The following BPIFB3 variants were observed in gnomAD, a reference collection of about 807,000 sequenced individuals.
The protein encoded by BPIFB3 is BPI fold containing family B member 3.
BPIFB3 carries 49 observed loss-of-function variants against 53.1 expected under a neutral mutation model. The observed-to-expected ratio is 0.92, with a 90% CI of 0.73 to 1.17. The LOEUF (loss-of-function observed/expected upper bound fraction) is 1.17, where lower values mean the gene tolerates loss of function less well. BPIFB3 is among the 50% of genes most tolerant of loss of function. The pLI is 0.00. For missense variants in BPIFB3, 628 were observed against 592.5 expected (o/e 1.06, Z -0.62); for synonymous variants, 271 against 269.6 (o/e 1.01, Z -0.05).
intron 11 of BPIFB3, among the ~76,000 whole-genome samples, chr20:33,070,248 C>T (rs1467057977): frequency 6.6e-6 from 1 of 152,160 alleles, no homozygotes; most frequent in African/African-American, 2.4e-5. Flanking sequence ...GGAGTCCAAA[C>T]TCCTGAGTTA....
chr20:33,061,815 A>C, exon 5 of BPIFB3: 2 of 1,614,178 alleles, frequency 1.2e-6, no homozygotes, highest in South Asian at 2.2e-5. Context: ...ATGCTCTTCA[A>C]GGTGCTTCCG....
chr20:33,066,892 C>T lies in BPIFB3; in HGVS notation c.978+15C>T. The T allele has an allele frequency of 6.2e-7, 1 of 1,613,206 alleles. No individual in the cohort carries two copies. The highest frequency in any genetic ancestry group is 8.5e-7 in the Non-Finnish European group (1 of 1,179,150). On this transcript the variant is annotated intron_variant, in intron 9 of 14. Coordinates refer to ENST00000375494, the Ensembl canonical transcript of BPIFB3. ...TGCTCCCTGAGGTGAGTGACGCTCTCATGGGTTTTGATCATTGTAGCTCTT... is the reference window on the plus strand; with the variant it reads ...TGCTCCCTGAGGTGAGTGACGCTCTTATGGGTTTTGATCATTGTAGCTCTT...
exon 1 of BPIFB3, chr20:33,055,504 G>T (rs149497264): frequency 2.5e-6 from 4 of 1,613,614 alleles, no homozygotes; most frequent in Admixed American, 1.7e-5. Context: ...TGCTAGAGAC[G>T]GTGGGCACGC....
chr20:33,054,293 A>T (rs1232873539), upstream of BPIFB3, among the ~76,000 whole-genome samples: 1 of 151,688 alleles, frequency 6.6e-6, no homozygotes. Flanking sequence ...CTCAGCAGGG[A>T]CCCCTTCTGA....
chr20:33,066,578 CCCA>C (rs1980679605), intron 8 of BPIFB3, among the ~76,000 whole-genome samples: 1 of 152,174 alleles, frequency 6.6e-6, no homozygotes, highest in African/African-American at 2.4e-5. Context: ...AATGGTAGCA[CCCA>C]CCTCTTTGAG....
At chr20:33,063,556 T>G in intron 5 of BPIFB3, 59 bp from the exon 7 acceptor site, 2 of 1,573,306 alleles carry the variant, frequency 1.3e-6, no homozygotes, top group South Asian at 1.1e-5. Flanking sequence ...TTAAAGAACA[T>G]GCAGCTGTCC....
chr20:33,067,417 G>A (rs1980713058), intron 9 of BPIFB3, among the ~76,000 whole-genome samples: 1 of 152,220 alleles, frequency 6.6e-6, no homozygotes, highest in East Asian at 1.9e-4. Flanking sequence ...AGGTCCTTAT[G>A]TAACAGCAGG....
downstream of BPIFB3, chr20:33,073,702 A>T (rs1228540602): frequency 2.0e-5 from 29 of 1,468,558 alleles, no homozygotes; most frequent in Admixed American, 5.1e-4. Flanking sequence ...GATGTTGGTG[A>T]CAGTAAAAAT....
intron 6 of BPIFB3, 125 bp downstream of exon 7, chr20:33,063,800 A>G (rs185898295): frequency 7.3e-6 from 7 of 955,826 alleles, no homozygotes; most frequent in Admixed American, 2.8e-5. Flanking sequence ...TCCTCCTCAC[A>G]CTGACAGGCT....
At chr20:33,070,530 C>A (rs1980842215) in intron 11 of BPIFB3, among the ~76,000 whole-genome samples, 1 of 152,242 alleles carries the variant, frequency 6.6e-6, no homozygotes, top group South Asian at 2.1e-4. Flanking sequence ...ACACGGCAGG[C>A]CGTCCCTAGA....
chr20:33,057,257 C>T (rs1382243701), intron 2 of BPIFB3, among the ~76,000 whole-genome samples: 2 of 151,946 alleles, frequency 1.3e-5, no homozygotes, highest in African/African-American at 4.8e-5. Flanking sequence ...GGCATGATCT[C>T]GGCTCACTGC....
At chr20:33,071,276 C>T in exon 12 of BPIFB3, 1 of 1,565,422 alleles carries the variant, frequency 6.4e-7, no homozygotes, top group Non-Finnish European at 8.7e-7. Flanking sequence ...GTGGCCTCCT[C>T]CTTTACCCAT....
At chr20:33,055,649 T>C in intron 1 of BPIFB3, 102 bp downstream of exon 2, 1 of 1,533,504 alleles carries the variant, frequency 6.5e-7, no homozygotes, top group Non-Finnish European at 8.9e-7. Flanking sequence ...GAGCAGGTTG[T>C]GATTCTCAGC....
intron 12 of BPIFB3, among the ~76,000 whole-genome samples, chr20:33,071,529 C>T (rs1338589661): frequency 6.6e-6 from 1 of 152,110 alleles, no homozygotes; most frequent in Non-Finnish European, 1.5e-5. Flanking sequence ...GAAAGTGAAT[C>T]TCATGATCTT....
upstream of BPIFB3, among the ~76,000 whole-genome samples, chr20:33,054,681 AC>A (rs1260678849): frequency 6.6e-6 from 1 of 152,264 alleles, no homozygotes; most frequent in East Asian, 1.9e-4. Context: ...CTGGGTTTCA[AC>A]CCAGGGCAGC....
rs781274841 is a variant in BPIFB3, at chr20:33,059,368, C to A, written c.282-10C>A. The A allele has an allele frequency of 1.5e-5, 24 of 1,604,104 alleles. No individual in the cohort carries two copies. The highest frequency in any genetic ancestry group is 2.0e-5 in the Non-Finnish European group (24 of 1,175,092). ...GGAGTGAGCAACCCTCTCCCTGACT[C>A]CCATCCTAGTCTGAAGATTGAGGAG... On this transcript the variant is annotated splice_polypyrimidine_tract_variant and intron_variant, in intron 2 of 14. Coordinates refer to ENST00000375494, the Ensembl canonical transcript of BPIFB3.
At chr20:33,065,963 G>T (rs1980654403) in intron 8 of BPIFB3, among the ~76,000 whole-genome samples, 1 of 152,248 alleles carries the variant, frequency 6.6e-6, no homozygotes, top group South Asian at 2.1e-4. Context: ...GACTCTGCGT[G>T]TAAGAACGTG....
chr20:33,062,914 G>C (rs1186923735), intron 5 of BPIFB3, among the ~76,000 whole-genome samples: 1 of 152,190 alleles, frequency 6.6e-6, no homozygotes, highest in Non-Finnish European at 1.5e-5. Flanking sequence ...CTTGACATGT[G>C]ACAGCCCTCT....
chr20:33,054,702 C>A (rs900975142), upstream of BPIFB3, among the ~76,000 whole-genome samples: 1 of 152,112 alleles, frequency 6.6e-6, no homozygotes, highest in East Asian at 1.9e-4. Context: ...CGGGGAGCCA[C>A]TGAAGGGTTT....
Sources: allele counts gnomAD v4.1 joint callset (sites outside exome capture counted in the v4.1 genomes callset), GRCh38; gene constraint gnomAD v4.1.1; transcripts MANE v1.5; gene names NCBI Gene and HGNC (gene_info 2026-07-23, HGNC 2026-07-21).